The following TRPM3 variants were observed in gnomAD, a reference collection of about 807,000 sequenced individuals.
TRPM3 encodes long transient receptor potential channel 3.
Under a neutral mutation model 181.2 loss-of-function variants are expected in TRPM3, and 77 were observed. The observed-to-expected ratio is 0.42, with a 90% confidence interval of 0.35 to 0.51. The LOEUF (loss-of-function observed/expected upper bound fraction) is 0.51. Among genes scored for constraint, TRPM3 ranks in the 20% least tolerant of loss-of-function variants. The pLI is 0.01. For synonymous variants in TRPM3, 745 were observed against 796.4 expected, an observed-to-expected ratio of 0.94 and a Z score of 1.09; for missense variants, 1,759 against 2,196.7, an observed-to-expected ratio of 0.80 and a Z score of 3.98.
At chr9:70,988,326 T>C (rs190590407) in intron 1 of TRPM3, among the ~76,000 whole-genome samples, 1 of 152,320 alleles carries the variant, frequency 6.6e-6, no homozygotes, top group East Asian at 1.9e-4. Flanking sequence ...AAATCTTGCC[T>C]GGTTGTTTTC....
At chr9:70,994,676 C>G (rs1008721609) in intron 1 of TRPM3, among the ~76,000 whole-genome samples, 1 of 152,078 alleles carries the variant, frequency 6.6e-6, no homozygotes, top group Admixed American at 6.5e-5. Flanking sequence ...TCCAGGGGAA[C>G]CTCACCAGCT....
At chr9:70,901,238 G>A (rs2096381465) in intron 1 of TRPM3, among the ~76,000 whole-genome samples, 1 of 152,150 alleles carries the variant, frequency 6.6e-6, no homozygotes, top group Non-Finnish European at 1.5e-5. Flanking sequence ...AGAGCCAAAG[G>A]AAACACCTTT....
chr9:71,198,370 C>T (rs2078536346), intron 1 of TRPM3, among the ~76,000 whole-genome samples: 1 of 151,932 alleles, frequency 6.6e-6, no homozygotes. Context: ...TTTTTGGTTC[C>T]ATATGAACTT....
chr9:71,197,715 GTTGT>G (rs908247830), intron 1 of TRPM3, among the ~76,000 whole-genome samples: 39 of 151,450 alleles, frequency 2.6e-4, no homozygotes, highest in African/African-American at 8.2e-4. Context: ...TTTTGATGGG[GTTGT>G]TTGTTTTTTT....
In TRPM3 at chr9:70,960,537, A is replaced by G. The variant is rs56962891; in HGVS notation, c.178-96026T>C. Among the ~76,000 whole-genome samples the G allele has an allele frequency of 3.6e-3, 546 of 152,314 alleles. 3 individuals carry two copies. Among genetic ancestry groups the G allele is most frequent in the African/African-American group, 0.013 (523 of 41,576 alleles). On this transcript the variant is annotated intron_variant, in intron 1 of 25. Transcript: ENST00000677713. ...TATTGGTATTTTGAAGCATGATGAT[A>G]ATTCCTCAGAATACAAAATGCTTAA...
At chr9:71,177,953 C>G (rs1223316589) in intron 1 of TRPM3, among the ~76,000 whole-genome samples, 2 of 144,040 alleles carry the variant, frequency 1.4e-5, no homozygotes, top group East Asian at 4.0e-4. Flanking sequence ...AAAAAAGCTT[C>G]TAACAAAACT....
At chr9:71,052,712 A>C (rs1034968635) in intron 1 of TRPM3, among the ~76,000 whole-genome samples, 2 of 152,084 alleles carry the variant, frequency 1.3e-5, no homozygotes, top group African/African-American at 4.8e-5. Context: ...CAAAACAAAC[A>C]AACCAGATAA....
At chr9:70,751,525 G>A (rs913103735) in intron 8 of TRPM3, among the ~76,000 whole-genome samples, 1 of 151,776 alleles carries the variant, frequency 6.6e-6, no homozygotes, top group African/African-American at 2.4e-5. Flanking sequence ...AAGAACAAAA[G>A]GACTGAGAAA....
chr9:70,687,223 A>G (rs1231591725), intron 8 of TRPM3, among the ~76,000 whole-genome samples: 1 of 152,156 alleles, frequency 6.6e-6, no homozygotes, highest in Admixed American at 6.5e-5. Flanking sequence ...GGAGATATAC[A>G]TATTTGTGAT....
intron 1 of TRPM3, among the ~76,000 whole-genome samples, chr9:71,320,319 TA>T (rs3041781): frequency 0.038 from 5,356 of 141,720 alleles, 221 homozygotes; most frequent in African/African-American, 0.11. Context: ...CAATGTTAAT[TA>T]AAAAAAAAAA....
chr9:70,607,853 G>A lies in TRPM3; in HGVS notation c.2667+2756C>T, dbSNP rs60946643. On this transcript the variant is annotated intron_variant, in intron 19 of 25. Coordinates refer to ENST00000677713, the MANE Select transcript of TRPM3 (RefSeq NM_001366145.2). ...TTAACTTTTAAGGCTTTGTAGAACC[G>A]ATAGTCTCTCTCTGTCTCTCACTAC... 1.9e-3 allele frequency among the ~76,000 whole-genome samples: 289 copies of A among 152,300 alleles called. 1 individual carries two copies. The highest frequency in any genetic ancestry group is 6.6e-3 in the African/African-American group (276 of 41,556).
At chr9:70,804,143 C>T (rs764451692) in intron 6 of TRPM3, among the ~76,000 whole-genome samples, 5 of 152,020 alleles carry the variant, frequency 3.3e-5, no homozygotes, top group Admixed American at 6.5e-5. Context: ...TCAGCCTGAC[C>T]AACATGGCAA....
chr9:71,246,203 C>T (rs1363923869), intron 1 of TRPM3, among the ~76,000 whole-genome samples: 2 of 152,124 alleles, frequency 1.3e-5, no homozygotes, highest in Admixed American at 1.3e-4. Context: ...CTAACAAGAT[C>T]ATAGTTTCAC....
At position 70,550,538 on chromosome 9, in the gene TRPM3, T is replaced by A. The variant is rs1006071777; in HGVS notation, c.3575-864A>T. On this transcript the variant is annotated intron_variant, in intron 24 of 25. Transcript: ENST00000677713. ...TGTTAATAGAAGGTAAATGGATTCA[T>A]AACTGATATAGCAGTAGAAAGAGCC... is the stretch of plus-strand genomic sequence containing the variant. 2.6e-5 allele frequency among the ~76,000 whole-genome samples: 4 copies of A among 152,240 alleles called. No homozygotes were observed. In the South Asian group the frequency reaches 8.3e-4, roughly 32 times the overall value.
At chr9:71,266,917 T>A (rs894907091) in intron 1 of TRPM3, among the ~76,000 whole-genome samples, 2 of 151,294 alleles carry the variant, frequency 1.3e-5, no homozygotes, top group Non-Finnish European at 2.9e-5. Flanking sequence ...TTTCTATTAA[T>A]TATGACAATT....
At chr9:70,602,412 C>T (rs1485839927) in intron 20 of TRPM3, among the ~76,000 whole-genome samples, 1 of 152,012 alleles carries the variant, frequency 6.6e-6, no homozygotes, top group East Asian at 1.9e-4. Context: ...TCCTATGGTG[C>T]CCAGTATGTT....
At chr9:70,779,553 T>C (rs1018278151) in intron 7 of TRPM3, among the ~76,000 whole-genome samples, 1 of 152,124 alleles carries the variant, frequency 6.6e-6, no homozygotes, top group Non-Finnish European at 1.5e-5. Flanking sequence ...GACACTTCGG[T>C]TGAGCATTAT....
At chr9:71,386,964 ACAGT>A (rs752880742) in intron 1 of TRPM3, among the ~76,000 whole-genome samples, 4 of 152,190 alleles carry the variant, frequency 2.6e-5, no homozygotes, top group Non-Finnish European at 5.9e-5. Flanking sequence ...ACATAAGCTA[ACAGT>A]CAGAATTTTT....
chr9:71,442,090 A>G (rs912639759), intron 1 of TRPM3, among the ~76,000 whole-genome samples: 1 of 152,212 alleles, frequency 6.6e-6, no homozygotes, highest in Admixed American at 6.5e-5. Context: ...CTGTGAGAAG[A>G]GTAGCTTTGG....
Sources: allele counts gnomAD v4.1 joint callset (sites outside exome capture counted in the v4.1 genomes callset), GRCh38; gene constraint gnomAD v4.1.1; transcripts MANE v1.5; gene names NCBI Gene and HGNC (gene_info 2026-07-23, HGNC 2026-07-21).